Variants in INVS observed in about 807,000 individuals in gnomAD.
INVS encodes inversin.
A neutral mutation model predicts 108.8 loss-of-function variants in INVS; 86 were observed. The observed-to-expected ratio is 0.79, with a 90% CI of 0.66 to 0.95. The LOEUF is 0.95. INVS is among the 40% of genes least tolerant of loss of function. The pLI is 0.00. For missense variants in INVS, 1,169 were observed against 1,297.4 expected, an observed-to-expected ratio of 0.90 and a Z score of 1.52; for synonymous variants, 455 against 473.5, an observed-to-expected ratio of 0.96 and a Z score of 0.51.
intron 3 of INVS, among the ~76,000 whole-genome samples, chr9:100,162,652 A>C (rs1829227112): frequency 6.6e-6 from 1 of 152,172 alleles, no homozygotes; most frequent in South Asian, 2.1e-4. Context: ...TTGGCAAGGA[A>C]AATGAAAACT....
intron 4 of INVS, among the ~76,000 whole-genome samples, chr9:100,227,086 A>G (rs1276356824): frequency 6.6e-6 from 1 of 152,220 alleles, no homozygotes; most frequent in East Asian, 1.9e-4. Context: ...AAAGGTTAAT[A>G]GGATTACTGT....
At chr9:100,274,039 C>A (rs946438783) in intron 12 of INVS, among the ~76,000 whole-genome samples, 1 of 152,108 alleles carries the variant, frequency 6.6e-6, no homozygotes, top group African/African-American at 2.4e-5. Context: ...GTGCCTCTTG[C>A]ACATTCTGAT....
At chr9:100,268,261 C>T (rs529649365) in intron 11 of INVS, among the ~76,000 whole-genome samples, 1 of 152,210 alleles carries the variant, frequency 6.6e-6, no homozygotes, top group Non-Finnish European at 1.5e-5. Flanking sequence ...ATGTGCTGTG[C>T]TACAAGGGTT....
chr9:100,099,331 T>C lies in INVS; in HGVS notation c.-110T>C, dbSNP rs7024375. The C allele has an allele frequency of 1.3e-5, 2 of 153,230 alleles. No homozygotes were observed. Among genetic ancestry groups the C allele is most frequent in the Non-Finnish European group, 2.9e-5 (2 of 68,424 alleles). The allele number at this position is 153,230 out of a possible 1,614,324, so 9.5% of individuals were successfully genotyped here. A position where few individuals can be genotyped will look rare whatever the true frequency, so the allele number is the denominator to read the frequency against. On this transcript the variant is annotated 5_prime_UTR_variant, in exon 1 of 17. Coordinates refer to ENST00000262457, the MANE Select transcript of INVS (RefSeq NM_014425.5). ...TGGGGTCTGACCTGGCTGGATATAG[T>C]GTACCGGCCCGGCAGGAGGGGCGGC...
At chr9:100,286,522 C>A (rs1833447600) in intron 13 of INVS, among the ~76,000 whole-genome samples, 1 of 152,150 alleles carries the variant, frequency 6.6e-6, no homozygotes, top group Non-Finnish European at 1.5e-5. Context: ...GCCTGGGTGA[C>A]AGTGAGACTC....
intron 2 of INVS, among the ~76,000 whole-genome samples, chr9:100,124,402 C>T (rs1387107321): frequency 6.6e-6 from 1 of 151,914 alleles, no homozygotes; most frequent in Non-Finnish European, 1.5e-5. Context: ...TCTTTGCTTT[C>T]AATCATCGAA....
chr9:100,260,099 T>C (rs1258557678), intron 10 of INVS, among the ~76,000 whole-genome samples: 1 of 151,880 alleles, frequency 6.6e-6, no homozygotes, highest in Non-Finnish European at 1.5e-5. Context: ...CTCAAATTCC[T>C]GACCTTGTGA....
rs768213611 is a variant in INVS, at chr9:100,292,618, A to G, written c.2361A>G (p.Lys787=). Residue 787 remains lysine (K), a synonymous_variant, in exon 14 of 17, where the codon AAA becomes AAG. Coordinates refer to ENST00000262457, the MANE Select transcript of INVS (RefSeq NM_014425.5). ...SRRHDTEPKA[K]CAPQKRRTQE... is the part of the protein sequence containing the mutation. ...GGCATGACACAGAACCCAAGGCCAA[A>G]TGTGCCCCCCAGAAAAGGCGCACTC... 7 of 1,614,162 alleles carry G rather than the reference A, an allele frequency of 4.3e-6. No homozygotes were observed. The highest frequency in any genetic ancestry group is 1.6e-4 in the Middle Eastern group (1 of 6,062).
rs769759941 is a variant in INVS at position 100,296,909 on chromosome 9, C to T, written c.2787-8C>T. On this transcript the variant is annotated splice_region_variant and splice_polypyrimidine_tract_variant and intron_variant, in intron 14 of 16. Transcript: ENST00000262457. ...CTTAAAGCCTCTCCTCTCCTCTGAC[C>T]CAACCAGCTACCAGCTCAGGAAGCA... The T allele has an allele frequency of 1.2e-6, 2 of 1,612,800 alleles. No individual in the cohort carries two copies. Among genetic ancestry groups the T allele is most frequent in the African/African-American group, 2.7e-5 (2 of 74,886 alleles).
intron 12 of INVS, among the ~76,000 whole-genome samples, chr9:100,276,083 GCA>G (rs1833104787): frequency 6.6e-6 from 1 of 152,018 alleles, no homozygotes; most frequent in Non-Finnish European, 1.5e-5. Context: ...TCTCCACACT[GCA>G]GTCAGCCTTG....
intron 3 of INVS, among the ~76,000 whole-genome samples, chr9:100,208,240 A>G (rs1365063550): frequency 6.6e-6 from 1 of 152,228 alleles, no homozygotes; most frequent in East Asian, 1.9e-4. Flanking sequence ...AAAGATGGCT[A>G]AATTTGAAAC....
At chr9:100,191,404 A>T (rs1830217576) in intron 3 of INVS, among the ~76,000 whole-genome samples, 1 of 151,952 alleles carries the variant, frequency 6.6e-6, no homozygotes, top group African/African-American at 2.4e-5. Context: ...CTCTTGTCTG[A>T]TTGGGTTAAT....
At chr9:100,189,106 CT>C (rs60762136) in intron 3 of INVS, among the ~76,000 whole-genome samples, 1,814 of 69,548 alleles carry the variant, frequency 0.026, 20 homozygotes, top group African/African-American at 0.083. Flanking sequence ...TTTGCATCTT[CT>C]TTTTTTTTTT....
At chr9:100,188,187 G>A (rs1216426224) in intron 3 of INVS, among the ~76,000 whole-genome samples, 1 of 152,022 alleles carries the variant, frequency 6.6e-6, no homozygotes, top group Non-Finnish European at 1.5e-5. Flanking sequence ...CGTGCTGATT[G>A]CTCTGGTTAG....
intron 3 of INVS, among the ~76,000 whole-genome samples, chr9:100,156,823 T>TA (rs144875757): frequency 1.3e-4 from 19 of 151,396 alleles, no homozygotes; most frequent in Admixed American, 2.6e-4. Context: ...TTAAACCAGA[T>TA]AAAAAAGGAA....
intron 10 of INVS, among the ~76,000 whole-genome samples, chr9:100,256,888 G>T (rs2118585903): frequency 6.6e-6 from 1 of 152,298 alleles, no homozygotes; most frequent in South Asian, 2.1e-4. Flanking sequence ...ATATTCTGTT[G>T]ATTTGGGGTG....
At position 100,237,887 on chromosome 9, in the gene INVS, T is replaced by A. The variant is rs145323266; in HGVS notation, c.616-2173T>A. Among the ~76,000 whole-genome samples, 924 of 152,270 alleles carry A rather than the reference T, an allele frequency of 6.1e-3. 4 individuals are homozygous for A. The highest frequency in any genetic ancestry group is 0.014 in the Middle Eastern group (4 of 294). Reference sequence around the variant, plus strand: ...CTCTGGTTTTTTGTTTGTTTGGTTTTAGTTTTTTTGGGACAGAGCCTTGGG... The same window carrying A: ...CTCTGGTTTTTTGTTTGTTTGGTTTAAGTTTTTTTGGGACAGAGCCTTGGG... On this transcript the variant is annotated intron_variant, in intron 5 of 16. Coordinates refer to ENST00000262457, the MANE Select transcript of INVS (RefSeq NM_014425.5).
chr9:100,177,440 G>A (rs2119059967), intron 3 of INVS, among the ~76,000 whole-genome samples: 1 of 152,282 alleles, frequency 6.6e-6, no homozygotes, highest in African/African-American at 2.4e-5. Flanking sequence ...CTTGGTGGGG[G>A]GAGGGGCGTC....
chr9:100,298,178 G>A, intron 16 of INVS, 168 bp downstream of exon 16: 1 of 1,515,726 alleles, frequency 6.6e-7, no homozygotes, highest in Non-Finnish European at 8.8e-7. Context: ...TCCCTAAGAG[G>A]CAAATTATTT....
Sources: allele counts gnomAD v4.1 joint callset (sites outside exome capture counted in the v4.1 genomes callset), GRCh38; gene constraint gnomAD v4.1.1; transcripts MANE v1.5; gene names NCBI Gene and HGNC (gene_info 2026-07-23, HGNC 2026-07-21).